CNTN5: variants seen among roughly 807,000 people sequenced by gnomAD.
The protein encoded by CNTN5 is contactin-5.
In CNTN5, 77 loss-of-function variants were observed where a neutral mutation model predicts 129.1. The ratio of observed to expected loss-of-function variants is 0.60; its 90% CI spans 0.50 to 0.72. The LOEUF (loss-of-function observed/expected upper bound fraction) is 0.72, where lower values mean the gene tolerates loss of function less well. CNTN5 is among the 30% of genes least tolerant of loss of function. CNTN5 has a pLI of 0.00. For synonymous variants in CNTN5, 509 were observed against 465.6 expected (o/e 1.09, Z -1.20); for missense variants, 1,478 against 1,328.8 (o/e 1.11, Z -1.75).
intron 19 of CNTN5, among the ~76,000 whole-genome samples, chr11:100,297,931 G>A (rs1264657353): frequency 6.6e-6 from 1 of 151,358 alleles, no homozygotes; most frequent in African/African-American, 2.4e-5. Context: ...ATGAAACTGA[G>A]GCACTGTTAC....
chr11:100,027,020 A>T (rs950123264), intron 9 of CNTN5, among the ~76,000 whole-genome samples: 4 of 150,036 alleles, frequency 2.7e-5, no homozygotes, highest in African/African-American at 7.3e-5. Flanking sequence ...ATTTGGATTT[A>T]AAAAAAAAAT....
At chr11:99,757,669 TG>T (rs944198952) in intron 3 of CNTN5, among the ~76,000 whole-genome samples, 90 of 152,148 alleles carry the variant, frequency 5.9e-4, no homozygotes, top group Non-Finnish European at 9.7e-4. Flanking sequence ...ACATGAATTT[TG>T]GGGAGGGTAT....
chr11:100,309,797 G>T (rs1272743232), intron 21 of CNTN5: 1 of 616,062 alleles, frequency 1.6e-6, no homozygotes, highest in Non-Finnish European at 2.0e-6. Context: ...AGGGACACGT[G>T]CCTCCTCCAA....
intron 8 of CNTN5, among the ~76,000 whole-genome samples, chr11:100,000,802 C>T (rs1014716821): frequency 6.6e-6 from 1 of 152,186 alleles, no homozygotes; most frequent in Admixed American, 6.5e-5. Flanking sequence ...TGAACTCTTG[C>T]CTTCTGCACA....
intron 4 of CNTN5, among the ~76,000 whole-genome samples, chr11:99,820,618 A>T (rs868708544): frequency 3.5e-5 from 1 of 28,500 alleles, no homozygotes; most frequent in Non-Finnish European, 9.8e-5. Context: ...ACTAGTCTCT[A>T]TCCAGTCTAT....
intron 10 of CNTN5, among the ~76,000 whole-genome samples, chr11:100,061,694 T>G (rs1943490584): frequency 6.6e-6 from 1 of 152,186 alleles, no homozygotes. Flanking sequence ...CTTGGAAAAC[T>G]TATTAACTTA....
At chr11:100,050,105 C>T (rs1424091956) in intron 9 of CNTN5, among the ~76,000 whole-genome samples, 1 of 152,124 alleles carries the variant, frequency 6.6e-6, no homozygotes, top group African/African-American at 2.4e-5. Context: ...TACCATTTGA[C>T]CCAGCCATCC....
At chr11:100,138,148 T>C (rs866330280) in intron 13 of CNTN5, among the ~76,000 whole-genome samples, 1 of 151,158 alleles carries the variant, frequency 6.6e-6, no homozygotes, top group South Asian at 2.1e-4. Flanking sequence ...ATAAGGGAGA[T>C]GAGAAAATGA....
chr11:100,221,796 C>T (rs950508201), intron 15 of CNTN5, among the ~76,000 whole-genome samples: 6 of 148,460 alleles, frequency 4.0e-5, no homozygotes, highest in African/African-American at 7.5e-5. Flanking sequence ...ATAAGGTCAA[C>T]GAAAGCAGAA....
At chr11:99,893,513 G>T (rs1949120028) in intron 6 of CNTN5, among the ~76,000 whole-genome samples, 1 of 152,058 alleles carries the variant, frequency 6.6e-6, no homozygotes, top group South Asian at 2.1e-4. Flanking sequence ...CCACTAAATG[G>T]CAGACAGGAT....
At chr11:99,954,815 T>TTA (rs1381582031) in intron 7 of CNTN5, among the ~76,000 whole-genome samples, 3 of 152,168 alleles carry the variant, frequency 2.0e-5, no homozygotes, top group African/African-American at 4.8e-5. Context: ...TTTCTACTTT[T>TTA]TATACTTCTT....
intron 1 of CNTN5, among the ~76,000 whole-genome samples, chr11:99,023,108 G>C (rs1862955790): frequency 6.6e-6 from 1 of 152,192 alleles, no homozygotes; most frequent in Non-Finnish European, 1.5e-5. Context: ...TGAAATACCT[G>C]AATGTTTCTC....
chr11:99,512,658 T>TATTATTATG (rs1946884094), intron 2 of CNTN5, among the ~76,000 whole-genome samples: 1 of 152,148 alleles, frequency 6.6e-6, no homozygotes, highest in Non-Finnish European at 1.5e-5. Flanking sequence ...GCTTTTTCAT[T>TATTATTATG]ATTATTATGC....
At chr11:100,211,331 T>C (rs903102874) in intron 15 of CNTN5, among the ~76,000 whole-genome samples, 3 of 152,084 alleles carry the variant, frequency 2.0e-5, no homozygotes, top group Admixed American at 1.3e-4. Flanking sequence ...CGTAGCAGCT[T>C]CCCCAAGATT....
chr11:99,965,525 C>T (rs535398246), intron 8 of CNTN5, among the ~76,000 whole-genome samples: 201 of 152,158 alleles, frequency 1.3e-3, no homozygotes, highest in African/African-American at 4.6e-3. Flanking sequence ...GTCTGAGAGA[C>T]AGTTTGTTAT....
chr11:100,346,199 T>C (rs1026722580), intron 23 of CNTN5, among the ~76,000 whole-genome samples: 3 of 152,162 alleles, frequency 2.0e-5, no homozygotes, highest in African/African-American at 7.2e-5. Flanking sequence ...TAAAATTTTA[T>C]TTTTACAACT....
At chr11:99,600,140 C>T (rs1476527369) in intron 3 of CNTN5, among the ~76,000 whole-genome samples, 1 of 152,086 alleles carries the variant, frequency 6.6e-6, no homozygotes, top group Non-Finnish European at 1.5e-5. Flanking sequence ...CAAAAATGTG[C>T]TGTGATGGAC....
At chr11:99,252,828 A>G (rs1862180712) in intron 1 of CNTN5, among the ~76,000 whole-genome samples, 1 of 152,002 alleles carries the variant, frequency 6.6e-6, no homozygotes, top group Non-Finnish European at 1.5e-5. Context: ...TTGTGTTGCA[A>G]ATAATTTCTC....
intron 1 of CNTN5, among the ~76,000 whole-genome samples, chr11:99,183,433 AGAT>A (rs1224226890): frequency 2.6e-5 from 4 of 152,200 alleles, no homozygotes. Context: ...CTGCTGAGTC[AGAT>A]GACTCTTTTC....
Sources: gnomAD v4.1 joint callset for allele counts (sites outside exome capture counted in the v4.1 genomes callset) on GRCh38, gnomAD v4.1.1 for gene constraint, MANE v1.5 for transcripts, NCBI Gene and HGNC (gene_info 2026-07-23, HGNC 2026-07-21) for gene names.